The following PRKAR2B variants were observed in gnomAD, a reference collection of about 807,000 sequenced individuals.
PRKAR2B encodes protein kinase cAMP-dependent type II regulatory subunit beta.
In PRKAR2B, 14 loss-of-function variants were observed where a neutral mutation model predicts 49.9. The observed-to-expected ratio is 0.28, with a 90% confidence interval of 0.19 to 0.44. PRKAR2B has a LOEUF of 0.44. Among genes scored for constraint, PRKAR2B ranks in the 20% least tolerant of loss-of-function variants. The pLI is 1.00. For missense variants in PRKAR2B, 393 were observed against 537.9 expected, an observed-to-expected ratio of 0.73 and a Z score of 2.67; for synonymous variants, 196 against 197.7, an observed-to-expected ratio of 0.99 and a Z score of 0.07.
intron 1 of PRKAR2B, among the ~76,000 whole-genome samples, chr7:107,045,887 G>C (rs1391904356): frequency 6.6e-6 from 1 of 152,146 alleles, no homozygotes; most frequent in Non-Finnish European, 1.5e-5. Context: ...CGAGGAAATG[G>C]GTTAATGGTT....
chr7:107,104,073 C>T (rs1321509669), intron 2 of PRKAR2B, among the ~76,000 whole-genome samples: 1 of 151,952 alleles, frequency 6.6e-6, no homozygotes, highest in East Asian at 1.9e-4. Flanking sequence ...CACTTTTGGT[C>T]CAGGCTGGAG....
At chr7:107,148,121 G>GA (rs1795924070) in intron 6 of PRKAR2B, among the ~76,000 whole-genome samples, 1 of 152,318 alleles carries the variant, frequency 6.6e-6, no homozygotes, top group South Asian at 2.1e-4. Context: ...AGCCAGCAAA[G>GA]AAAAAACTTC....
chr7:107,128,518 C>T (rs149985872), intron 4 of PRKAR2B, among the ~76,000 whole-genome samples: 1 of 152,210 alleles, frequency 6.6e-6, no homozygotes, highest in East Asian at 1.9e-4. Flanking sequence ...GTAAAGAAGC[C>T]TGAGGTGTTT....
intron 2 of PRKAR2B, among the ~76,000 whole-genome samples, chr7:107,112,174 TAAAAAAAAAA>T (rs749209141): frequency 2.2e-5 from 1 of 44,762 alleles, no homozygotes; most frequent in Non-Finnish European, 4.0e-5. Flanking sequence ...ACTGTGTCTC[TAAAAAAAAAA>T]AAAAAAAAAA....
chr7:107,057,363 T>C (rs1429951229), intron 1 of PRKAR2B, among the ~76,000 whole-genome samples: 7 of 145,120 alleles, frequency 4.8e-5, no homozygotes, highest in Middle Eastern at 3.4e-3. Flanking sequence ...GATGTCATTC[T>C]TTTTTTTTTT....
chr7:107,139,623 C>A (rs1795756882), intron 4 of PRKAR2B, among the ~76,000 whole-genome samples: 1 of 152,214 alleles, frequency 6.6e-6, no homozygotes, highest in Admixed American at 6.5e-5. Context: ...ACTGCAGTCT[C>A]ACCTGTGCGA....
intron 2 of PRKAR2B, among the ~76,000 whole-genome samples, chr7:107,113,594 A>G (rs1795212858): frequency 6.6e-6 from 1 of 152,202 alleles, no homozygotes; most frequent in African/African-American, 2.4e-5. Context: ...ATTAGTCGCA[A>G]ACAACATTGA....
At chr7:107,059,171 C>A (rs1263110135) in intron 1 of PRKAR2B, among the ~76,000 whole-genome samples, 3 of 152,090 alleles carry the variant, frequency 2.0e-5, no homozygotes, top group African/African-American at 7.2e-5. Flanking sequence ...GCCTGTAATC[C>A]CAGCTTCTTG....
chr7:107,084,408 T>C (rs1289812970), intron 2 of PRKAR2B, among the ~76,000 whole-genome samples: 1 of 152,156 alleles, frequency 6.6e-6, no homozygotes, highest in Non-Finnish European at 1.5e-5. Context: ...TCTGAAAATA[T>C]CTTGTTGCCA....
intron 5 of PRKAR2B, among the ~76,000 whole-genome samples, chr7:107,142,774 T>G (rs746203312): frequency 1.4e-4 from 21 of 152,024 alleles, no homozygotes; most frequent in Non-Finnish European, 2.6e-4. Flanking sequence ...TTTGTTTGTT[T>G]TTTTTTTTTA....
chr7:107,060,335 G>C (rs930844642), intron 1 of PRKAR2B, among the ~76,000 whole-genome samples: 8 of 152,170 alleles, frequency 5.3e-5, no homozygotes, highest in Non-Finnish European at 1.0e-4. Context: ...TGTTGCACCA[G>C]TTTGTACTGT....
intron 1 of PRKAR2B, among the ~76,000 whole-genome samples, chr7:107,051,193 T>C (rs1233320506): frequency 6.6e-6 from 1 of 152,246 alleles, no homozygotes; most frequent in Non-Finnish European, 1.5e-5. Context: ...TTACATCATA[T>C]GAATTTTTTC....
chr7:107,096,430 T>A (rs1196232888), intron 2 of PRKAR2B, among the ~76,000 whole-genome samples: 2 of 152,150 alleles, frequency 1.3e-5, no homozygotes, highest in Admixed American at 6.5e-5. Context: ...GTCTGTCAAT[T>A]TTGTTGATCT....
rs373072354 is a variant in PRKAR2B, at chr7:107,098,346, G to C, written c.344-23606G>C. ...TGCATCACGTAGTTCTTGTGCCATG[G>C]TTTTCAGCTCCATCAGGTCATTTAA... On this transcript the variant is annotated intron_variant, in intron 2 of 10. Coordinates refer to ENST00000265717, the MANE Select transcript of PRKAR2B (RefSeq NM_002736.3). 1.3e-5 allele frequency among the ~76,000 whole-genome samples: 2 copies of C among 152,158 alleles called. 1 individual carries two copies. The highest frequency in any genetic ancestry group is 4.1e-4 in the South Asian group (2 of 4,828).
Position 107,146,293 on chromosome 7 carries a change from A to G in PRKAR2B, c.588-15A>G, listed in dbSNP as rs139081798. 4.2e-4 allele frequency: 684 copies of G among 1,610,146 alleles called. 4 individuals carry two copies. In the East Asian group the frequency reaches 0.013, roughly 31 times the overall value. Reference sequence around the variant, plus strand: ...TTTTATTTGAATTAACCTCCAATCTACATATGTCCAACAGAGGCACATTTG... The same window carrying G: ...TTTTATTTGAATTAACCTCCAATCTGCATATGTCCAACAGAGGCACATTTG... On this transcript the variant is annotated splice_polypyrimidine_tract_variant and intron_variant, in intron 5 of 10. Transcript: ENST00000265717.
intron 2 of PRKAR2B, among the ~76,000 whole-genome samples, chr7:107,097,873 A>C (rs970760419): frequency 3.9e-5 from 6 of 152,174 alleles, no homozygotes; most frequent in Non-Finnish European, 7.3e-5. Context: ...TTCTGCCGAG[A>C]GATCCACTGT....
chr7:107,075,806 G>A (rs556045754), intron 2 of PRKAR2B, among the ~76,000 whole-genome samples: 6 of 152,150 alleles, frequency 3.9e-5, no homozygotes, highest in Non-Finnish European at 8.8e-5. Context: ...GCCTTAGCCT[G>A]TCAGAATAAA....
chr7:107,128,156 T>C, intron 3 of PRKAR2B, 56 bp from the exon 4 acceptor site: 1 of 1,121,794 alleles, frequency 8.9e-7, no homozygotes, highest in Non-Finnish European at 1.3e-6. Flanking sequence ...TAAAATCTCT[T>C]TGAGTGAGAT....
At chr7:107,131,881 T>C (rs1217578788) in intron 4 of PRKAR2B, among the ~76,000 whole-genome samples, 2 of 152,256 alleles carry the variant, frequency 1.3e-5, no homozygotes, top group Non-Finnish European at 2.9e-5. Flanking sequence ...ATTCAGCTTA[T>C]ATAATCTGCT....
Sources: gnomAD v4.1 joint callset for allele counts (sites outside exome capture counted in the v4.1 genomes callset) on GRCh38, gnomAD v4.1.1 for gene constraint, MANE v1.5 for transcripts, NCBI Gene and HGNC (gene_info 2026-07-23, HGNC 2026-07-21) for gene names.